LPGAT1: variants seen among roughly 807,000 people sequenced by gnomAD.
The protein encoded by LPGAT1 is lysophosphatidylglycerol acyltransferase 1.
A neutral mutation model predicts 47.5 loss-of-function variants in LPGAT1; 11 were observed. The observed-to-expected ratio is 0.23, with a 90% CI of 0.15 to 0.38. The LOEUF (loss-of-function observed/expected upper bound fraction) is 0.38, where lower values mean the gene tolerates loss of function less well. Among genes scored for constraint, LPGAT1 ranks in the 10% least tolerant of loss-of-function variants. LPGAT1 has a pLI of 1.00. For missense variants in LPGAT1, 293 were observed against 439.0 expected (o/e 0.67, Z 2.97); for synonymous variants, 138 against 144.2 (o/e 0.96, Z 0.31).
At chr1:211,751,534 T>C (rs1657184526) in intron 6 of LPGAT1, among the ~76,000 whole-genome samples, 1 of 152,116 alleles carries the variant, frequency 6.6e-6, no homozygotes, top group South Asian at 2.1e-4. Context: ...GTAATATCAG[T>C]AGTATCAGAG....
chr1:211,830,569 T>C lies in LPGAT1; in HGVS notation c.-28+4A>G, dbSNP rs972888189. ...GGGCCTGCGACCGCGGAGCCGGAGGTTACCTCGGGCTGGCCGGGCCCCAGC... is the reference window on the plus strand; with the variant it reads ...GGGCCTGCGACCGCGGAGCCGGAGGCTACCTCGGGCTGGCCGGGCCCCAGC... On this transcript the variant is annotated splice_donor_region_variant and intron_variant, in intron 1 of 7. Coordinates refer to ENST00000366997, the MANE Select transcript of LPGAT1 (RefSeq NM_014873.3). This position sits in a 1 kb window ranked among gnomAD's most constrained non-coding sequence, Gnocchi z 5.9. The C allele has an allele frequency of 1.9e-6, 2 of 1,054,188 alleles. No individual in the cohort carries two copies. Among genetic ancestry groups the C allele is most frequent in the Non-Finnish European group, 2.3e-6 (2 of 877,060 alleles). 65.3% of individuals were successfully genotyped at this position (1,054,188 alleles called of 1,614,324 possible).
chr1:211,785,050 C>A (rs532573331), intron 4 of LPGAT1, among the ~76,000 whole-genome samples: 13 of 152,070 alleles, frequency 8.5e-5, no homozygotes, highest in Admixed American at 2.6e-4. Flanking sequence ...TGATCTGCCC[C>A]CCTTGGCCTC....
intron 2 of LPGAT1, among the ~76,000 whole-genome samples, chr1:211,808,500 G>A (rs979121072): frequency 2.6e-5 from 4 of 152,044 alleles, no homozygotes; most frequent in Non-Finnish European, 5.9e-5. Flanking sequence ...TAGCCACTAG[G>A]GAAATGAAAA....
intron 2 of LPGAT1, among the ~76,000 whole-genome samples, chr1:211,823,505 T>C (rs904920187): frequency 4.6e-5 from 7 of 152,168 alleles, no homozygotes; most frequent in Non-Finnish European, 8.8e-5. Context: ...TGTACCCCTG[T>C]ATATTTTCAT....
chr1:211,764,546 A>C (rs751650879), intron 6 of LPGAT1, among the ~76,000 whole-genome samples: 86 of 152,242 alleles, frequency 5.6e-4, no homozygotes, highest in Non-Finnish European at 1.2e-3. Flanking sequence ...AACGTATCAG[A>C]ATATCTCCCA....
At chr1:211,823,324 A>G (rs920766302) in intron 2 of LPGAT1, among the ~76,000 whole-genome samples, 1 of 152,196 alleles carries the variant, frequency 6.6e-6, no homozygotes, top group African/African-American at 2.4e-5. Context: ...AATAAATCTT[A>G]GCTAATATAA....
intron 4 of LPGAT1, among the ~76,000 whole-genome samples, chr1:211,784,788 A>G (rs1658787784): frequency 6.7e-6 from 1 of 150,166 alleles, no homozygotes; most frequent in Non-Finnish European, 1.5e-5. Flanking sequence ...ACAACTAAAT[A>G]TCACAAAGGT....
At chr1:211,818,245 A>T (rs535796169) in intron 2 of LPGAT1, among the ~76,000 whole-genome samples, 44 of 152,332 alleles carry the variant, frequency 2.9e-4, no homozygotes, top group Middle Eastern at 6.8e-3. Context: ...TAAATATTTT[A>T]AAATGAACAT....
At chr1:211,807,844 C>T (rs1313812842) in intron 2 of LPGAT1, among the ~76,000 whole-genome samples, 1 of 152,012 alleles carries the variant, frequency 6.6e-6, no homozygotes, top group East Asian at 1.9e-4. Flanking sequence ...TACTCTTAGA[C>T]ATGACATGAA....
intron 3 of LPGAT1, among the ~76,000 whole-genome samples, chr1:211,790,845 T>C (rs1659080849): frequency 6.6e-6 from 1 of 152,218 alleles, no homozygotes; most frequent in African/African-American, 2.4e-5. Flanking sequence ...GACATATTTA[T>C]ATTGACCATT....
intron 2 of LPGAT1, among the ~76,000 whole-genome samples, chr1:211,808,537 A>G (rs765387613): frequency 5.3e-5 from 8 of 152,220 alleles, no homozygotes; most frequent in Admixed American, 2.0e-4. Context: ...CTACCTTTAT[A>G]CATTTACTAA....
rs1411320495 is a variant in LPGAT1, at chr1:211,749,784, T to C, written c.*115A>G. ...AGGGGGATAAATATTAATCCATCCATTGAATTTCTTTTGCTTTTTTTTAAA... is the reference window on the plus strand; with the variant it reads ...AGGGGGATAAATATTAATCCATCCACTGAATTTCTTTTGCTTTTTTTTAAA... On this transcript the variant is annotated 3_prime_UTR_variant, in exon 8 of 8. Transcript: ENST00000366997. The C allele has an allele frequency of 6.7e-6, 7 of 1,047,246 alleles. No homozygotes were observed. The highest frequency in any genetic ancestry group is 1.0e-5 in the Non-Finnish European group (7 of 694,574). 64.9% of individuals were successfully genotyped at this position (1,047,246 alleles called of 1,614,324 possible). A position where few individuals can be genotyped will look rare whatever the true frequency, so the allele number is the denominator to read the frequency against.
chr1:211,803,720 T>A (rs1178194335), intron 2 of LPGAT1, among the ~76,000 whole-genome samples: 1 of 151,904 alleles, frequency 6.6e-6, no homozygotes, highest in Non-Finnish European at 1.5e-5. Context: ...ACAATAAAAT[T>A]CAAATACAAA....
At position 211,748,686 on chromosome 1, in the gene LPGAT1, A is replaced by AAAAAAAG. The variant is rs1297396384; in HGVS notation, c.*1206_*1212dup. On this transcript the variant is annotated 3_prime_UTR_variant, in exon 8 of 8. Transcript: ENST00000366997. ...GGTGACAGAGTAAGACCTGTCTAAA[A>AAAAAAAG]AAAAAAGAAAAAAGAAAAAGCAACT... 1.3e-5 allele frequency: 2 copies of AAAAAAAG among 152,940 alleles called. No homozygotes were observed. Among genetic ancestry groups the AAAAAAAG allele is most frequent in the South Asian group, 4.1e-4 (2 of 4,832 alleles). The allele number at this position is 152,940 out of a possible 1,614,324, so 9.5% of individuals were successfully genotyped here. A position where few individuals can be genotyped will look rare whatever the true frequency, so the allele number is the denominator to read the frequency against.
intron 6 of LPGAT1, among the ~76,000 whole-genome samples, chr1:211,763,723 T>A (rs1261625543): frequency 6.6e-6 from 1 of 152,228 alleles, no homozygotes; most frequent in African/African-American, 2.4e-5. Flanking sequence ...GCTATTTCCA[T>A]ATAGATTATA....
chr1:211,813,834 A>C (rs951190463), intron 2 of LPGAT1, among the ~76,000 whole-genome samples: 1 of 152,222 alleles, frequency 6.6e-6, no homozygotes, highest in Non-Finnish European at 1.5e-5. Flanking sequence ...GCAGTAAGGT[A>C]CATGAAAGAA....
At chr1:211,825,874 C>T (rs1241107152) in intron 2 of LPGAT1, among the ~76,000 whole-genome samples, 8 of 152,120 alleles carry the variant, frequency 5.3e-5, no homozygotes, top group Non-Finnish European at 7.4e-5. Flanking sequence ...GCAGGAGAAT[C>T]GCTTGAACTC....
At chr1:211,824,157 G>C (rs1376664007) in intron 2 of LPGAT1, among the ~76,000 whole-genome samples, 2 of 152,116 alleles carry the variant, frequency 1.3e-5, no homozygotes, top group East Asian at 3.9e-4. Flanking sequence ...CAGCACTGTG[G>C]GAGCCAAGGT....
chr1:211,775,533 T>C (rs1479963488), intron 6 of LPGAT1, among the ~76,000 whole-genome samples: 1 of 152,146 alleles, frequency 6.6e-6, no homozygotes, highest in African/African-American at 2.4e-5. Context: ...ACCTAAAATA[T>C]AATAAAAGTA....
Sources: gnomAD v4.1 joint callset for allele counts (sites outside exome capture counted in the v4.1 genomes callset) on GRCh38, gnomAD v4.1.1 for gene constraint, Gnocchi (gnomAD v3.1) non-coding constraint, MANE v1.5 for transcripts, NCBI Gene and HGNC (gene_info 2026-07-23, HGNC 2026-07-21) for gene names.